The following AGFG1 variants were observed in gnomAD, a reference collection of about 807,000 sequenced individuals.
The protein encoded by AGFG1 is ArfGAP with FG repeats 1.
A neutral mutation model predicts 60.6 loss-of-function variants in AGFG1; 10 were observed. That is an observed-to-expected ratio of 0.16 (90% CI 0.10 to 0.28). The LOEUF (loss-of-function observed/expected upper bound fraction) is 0.28. AGFG1 is among the 10% of genes least tolerant of loss of function. The pLI is 1.00. For synonymous variants in AGFG1, 247 were observed against 242.9 expected (o/e 1.02, Z -0.16); for missense variants, 537 against 676.5 (o/e 0.79, Z 2.29).
At chr2:227,496,535 T>C (rs1479297086) in intron 2 of AGFG1, among the ~76,000 whole-genome samples, 1 of 152,168 alleles carries the variant, frequency 6.6e-6, no homozygotes, top group Non-Finnish European at 1.5e-5. Context: ...TGTCCTCCCC[T>C]TGCAGTCTTC....
At chr2:227,545,983 A>G (rs1007063743) in intron 10 of AGFG1, among the ~76,000 whole-genome samples, 1 of 152,188 alleles carries the variant, frequency 6.6e-6, no homozygotes, top group South Asian at 2.1e-4. Flanking sequence ...CTCAGATCTC[A>G]GACTCCATGC....
chr2:227,544,555 G>A (rs1251991297), intron 10 of AGFG1, among the ~76,000 whole-genome samples: 1 of 152,126 alleles, frequency 6.6e-6, no homozygotes, highest in Non-Finnish European at 1.5e-5. Flanking sequence ...TCCTAGCATC[G>A]ATGGTCTTTA....
chr2:227,522,926 C>A (rs1415741172), intron 3 of AGFG1, among the ~76,000 whole-genome samples: 2 of 152,154 alleles, frequency 1.3e-5, no homozygotes, highest in African/African-American at 4.8e-5. Flanking sequence ...TGTGAAGTTT[C>A]CTCTTTCCAT....
chr2:227,536,817 G>A, intron 9 of AGFG1, 84 bp from the exon 10 acceptor site: 1 of 1,545,002 alleles, frequency 6.5e-7, no homozygotes, highest in Non-Finnish European at 8.9e-7. Flanking sequence ...TGAGTTTTCT[G>A]TCTTGATAAA....
intron 2 of AGFG1, among the ~76,000 whole-genome samples, chr2:227,518,162 GTTC>G (rs1419692360): frequency 6.6e-6 from 1 of 152,126 alleles, no homozygotes; most frequent in Non-Finnish European, 1.5e-5. Context: ...GCTGAATAAT[GTTC>G]TTCTTTGGAT....
rs367867502 is a variant in AGFG1 at position 227,498,041 on chromosome 2, C to T, written c.261+6401C>T. On this transcript the variant is annotated intron_variant, in intron 2 of 12. Coordinates refer to ENST00000310078, the MANE Select transcript of AGFG1 (RefSeq NM_004504.5). ...TAATCTGTGGGAAATATCTGTTTTG[C>T]CTATTTCATGAGGTTGATTTGAAGG... 7.9e-5 allele frequency among the ~76,000 whole-genome samples: 12 copies of T among 151,912 alleles called. No homozygotes were observed. In the East Asian group the frequency reaches 2.3e-3, roughly 29 times the overall value.
chr2:227,496,372 G>A lies in AGFG1; in HGVS notation c.261+4732G>A, dbSNP rs557325188. On this transcript the variant is annotated intron_variant, in intron 2 of 12. Coordinates refer to ENST00000310078, the MANE Select transcript of AGFG1 (RefSeq NM_004504.5). Reference sequence around the variant, plus strand: ...TGGGAGAATGGCGTGAACCTGGGTGGTGGAGCTTGCAGTGAGCCGAGATTG... The same window carrying A: ...TGGGAGAATGGCGTGAACCTGGGTGATGGAGCTTGCAGTGAGCCGAGATTG... Among the ~76,000 whole-genome samples the A allele has an allele frequency of 4.6e-5, 7 of 151,680 alleles. No individual in the cohort carries two copies. In the South Asian group the frequency reaches 1.5e-3, roughly 32 times the overall value.
At position 227,513,986 on chromosome 2, in the gene AGFG1, G is replaced by A. The variant is rs73083425; in HGVS notation, c.262-5962G>A. The stretch of plus-strand genomic sequence containing the variant: ...CGTGATTCTACTACTAGGCAGTTTG[G>A]AATGAGTTTCCTGTGAGAGCTACAA... On this transcript the variant is annotated intron_variant, in intron 2 of 12. Coordinates refer to ENST00000310078, the MANE Select transcript of AGFG1 (RefSeq NM_004504.5). Among the ~76,000 whole-genome samples, 660 of 152,290 alleles carry A rather than the reference G, an allele frequency of 4.3e-3. 2 individuals are homozygous for A. Among genetic ancestry groups the A allele is most frequent in the African/African-American group, 0.015 (624 of 41,544 alleles).
intron 1 of AGFG1, among the ~76,000 whole-genome samples, chr2:227,488,061 T>C (rs1029121670): frequency 2.0e-5 from 3 of 152,258 alleles, no homozygotes; most frequent in East Asian, 3.8e-4. Context: ...TGCCATTTTG[T>C]AAATTGAATC....
chr2:227,543,695 A>C (rs978974016), intron 10 of AGFG1, among the ~76,000 whole-genome samples: 1 of 152,170 alleles, frequency 6.6e-6, no homozygotes, highest in Non-Finnish European at 1.5e-5. Flanking sequence ...GCAGAGTCCA[A>C]GTCCTGGATA....
chr2:227,502,065 C>G (rs188341081), intron 2 of AGFG1, among the ~76,000 whole-genome samples: 7 of 152,020 alleles, frequency 4.6e-5, no homozygotes, highest in Non-Finnish European at 8.8e-5. Flanking sequence ...CACTGTGTTG[C>G]CCAAGTTGGT....
At chr2:227,550,877 A>G (rs1692798625) in intron 10 of AGFG1, among the ~76,000 whole-genome samples, 1 of 152,214 alleles carries the variant, frequency 6.6e-6, no homozygotes, top group South Asian at 2.1e-4. Context: ...TTTTGATTGC[A>G]TCATGCTAAG....
chr2:227,519,493 G>A (rs1691765295), intron 2 of AGFG1, among the ~76,000 whole-genome samples: 1 of 152,110 alleles, frequency 6.6e-6, no homozygotes, highest in Admixed American at 6.5e-5. Flanking sequence ...AAAGCTAATA[G>A]TGTGTTTGCC....
chr2:227,489,379 A>C (rs1042291752), intron 1 of AGFG1, among the ~76,000 whole-genome samples: 3 of 149,344 alleles, frequency 2.0e-5, no homozygotes, highest in Non-Finnish European at 4.5e-5. Context: ...GCGCCACCAC[A>C]CCTGCCTAAT....
rs1203818171 is a variant in AGFG1, at chr2:227,488,817, C to CTTAT, written c.168-2715_168-2712dup. Among the ~76,000 whole-genome samples, 119 of 152,054 alleles carry CTTAT rather than the reference C, an allele frequency of 7.8e-4. 1 individual carries two copies. Among genetic ancestry groups the CTTAT allele is most frequent in the African/African-American group, 2.3e-3 (95 of 41,454 alleles). ...ATTTTCACTTTTGGAAATTTATTTA[C>CTTAT]TTATTTATTTATTTATTTGAGAGTC... On this transcript the variant is annotated intron_variant, in intron 1 of 12. Coordinates refer to ENST00000310078, the MANE Select transcript of AGFG1 (RefSeq NM_004504.5).
chr2:227,494,586 A>G (rs890697926), intron 2 of AGFG1, among the ~76,000 whole-genome samples: 2 of 152,192 alleles, frequency 1.3e-5, no homozygotes, highest in African/African-American at 4.8e-5. Flanking sequence ...TGTTGTCACT[A>G]TTGGAAGATG....
chr2:227,481,929 G>A lies in AGFG1; in HGVS notation c.167+9341G>A, dbSNP rs1455638025. Among the ~76,000 whole-genome samples the A allele has an allele frequency of 2.0e-5, 3 of 147,942 alleles. No individual in the cohort carries two copies. The Admixed American group carries it at 2.0e-4, about 10-fold the overall frequency. ...TGCCCAGGTTGGAGTGCAGGGGCGC[G>A]ATCTCTGCTCACTGCAAGCTCTGCC... On this transcript the variant is annotated intron_variant, in intron 1 of 12. Transcript: ENST00000310078.
At chr2:227,518,029 A>G (rs1252640063) in intron 2 of AGFG1, among the ~76,000 whole-genome samples, 1 of 152,210 alleles carries the variant, frequency 6.6e-6, no homozygotes, top group Non-Finnish European at 1.5e-5. Context: ...GGTTTACATT[A>G]AAAATTTAAA....
intron 2 of AGFG1, among the ~76,000 whole-genome samples, chr2:227,507,212 T>C (rs977360830): frequency 1.3e-5 from 2 of 152,130 alleles, no homozygotes; most frequent in African/African-American, 2.4e-5. Flanking sequence ...AGTTTGCTGT[T>C]TTTTTACTCC....
Sources: allele counts gnomAD v4.1 joint callset (sites outside exome capture counted in the v4.1 genomes callset), GRCh38; gene constraint gnomAD v4.1.1; transcripts MANE v1.5; gene names NCBI Gene and HGNC (gene_info 2026-07-23, HGNC 2026-07-21).